Variants in CAMK4 observed in about 807,000 individuals in gnomAD.
CAMK4 encodes calcium/calmodulin-dependent protein kinase type IV.
Under a neutral mutation model 44.9 loss-of-function variants are expected in CAMK4, and 22 were observed. The ratio of observed to expected loss-of-function variants is 0.49; its 90% CI spans 0.35 to 0.70. The LOEUF is 0.70. Ranked by LOEUF, CAMK4 falls within the 30% of genes least tolerant of loss-of-function variation. CAMK4 has a pLI of 0.01. For synonymous variants in CAMK4, 218 were observed against 215.4 expected, an observed-to-expected ratio of 1.01 and a Z score of -0.11; for missense variants, 498 against 586.8, an observed-to-expected ratio of 0.85 and a Z score of 1.56.
intron 1 of CAMK4, among the ~76,000 whole-genome samples, chr5:111,249,628 G>GTATA (rs143178772): frequency 6.1e-5 from 8 of 130,366 alleles, no homozygotes; most frequent in African/African-American, 2.2e-4. Context: ...ATATTTGTGT[G>GTATA]TATATATATA....
chr5:111,256,800 C>T (rs1005753888), intron 1 of CAMK4, among the ~76,000 whole-genome samples: 2 of 152,146 alleles, frequency 1.3e-5, no homozygotes, highest in East Asian at 3.9e-4. Flanking sequence ...CTACCATGGG[C>T]ACACTTGTAA....
intron 5 of CAMK4, among the ~76,000 whole-genome samples, chr5:111,405,341 G>T (rs780426361): frequency 6.6e-6 from 1 of 152,056 alleles, no homozygotes; most frequent in Admixed American, 6.6e-5. Flanking sequence ...GGTGGTGTGC[G>T]CCTATAGTCC....
At chr5:111,252,788 A>G (rs1749564956) in intron 1 of CAMK4, among the ~76,000 whole-genome samples, 1 of 152,252 alleles carries the variant, frequency 6.6e-6, no homozygotes, top group Non-Finnish European at 1.5e-5. Context: ...TTTTCAAAAT[A>G]AGGGCTAGAT....
At chr5:111,370,826 A>AT (rs1580664174) in intron 2 of CAMK4, among the ~76,000 whole-genome samples, 1 of 152,198 alleles carries the variant, frequency 6.6e-6, no homozygotes, top group East Asian at 1.9e-4. Flanking sequence ...GAGGCAGGAG[A>AT]ATCGCTTGAA....
intron 1 of CAMK4, among the ~76,000 whole-genome samples, chr5:111,329,262 G>A (rs1749046059): frequency 6.6e-6 from 1 of 151,894 alleles, no homozygotes; most frequent in African/African-American, 2.4e-5. Flanking sequence ...GAAACCCACA[G>A]CCAATATCAT....
intron 1 of CAMK4, among the ~76,000 whole-genome samples, chr5:111,285,314 C>A (rs575554710): frequency 6.6e-6 from 1 of 152,228 alleles, no homozygotes; most frequent in South Asian, 2.1e-4. Flanking sequence ...ATGAATCCTA[C>A]GAAATTTATG....
At chr5:111,333,696 C>A (rs1440336580) in intron 1 of CAMK4, among the ~76,000 whole-genome samples, 3 of 151,602 alleles carry the variant, frequency 2.0e-5, no homozygotes, top group Admixed American at 6.6e-5. Flanking sequence ...CAACTGGATG[C>A]TGTTAGGCAA....
At chr5:111,409,519 G>A (rs780506740) in intron 5 of CAMK4, among the ~76,000 whole-genome samples, 9 of 152,208 alleles carry the variant, frequency 5.9e-5, no homozygotes, top group Non-Finnish European at 5.9e-5. Context: ...TGCTGTGAAG[G>A]TCTCTGACTT....
intron 5 of CAMK4, among the ~76,000 whole-genome samples, chr5:111,417,236 T>TTG (rs991408853): frequency 1.6e-4 from 24 of 151,420 alleles, no homozygotes; most frequent in African/African-American, 5.8e-4. Context: ...AATTTTTTTT[T>TTG]TTTTTTGAGA....
chr5:111,280,500 A>G (rs979105795), intron 1 of CAMK4, among the ~76,000 whole-genome samples: 2 of 152,208 alleles, frequency 1.3e-5, no homozygotes, highest in African/African-American at 4.8e-5. Flanking sequence ...CTTCTCTATC[A>G]TGCTGCCTTA....
At chr5:111,257,144 G>C (rs552616743) in intron 1 of CAMK4, among the ~76,000 whole-genome samples, 3 of 152,162 alleles carry the variant, frequency 2.0e-5, no homozygotes, top group Non-Finnish European at 4.4e-5. Context: ...AGCAAAGATT[G>C]ACAAATGGGA....
At chr5:111,398,426 C>G (rs989758522) in intron 5 of CAMK4, among the ~76,000 whole-genome samples, 1 of 152,088 alleles carries the variant, frequency 6.6e-6, no homozygotes, top group Non-Finnish European at 1.5e-5. Context: ...GCTGCCACAC[C>G]AAAAGGCATA....
At chr5:111,393,571 C>T (rs1430954439) in intron 4 of CAMK4, among the ~76,000 whole-genome samples, 1 of 152,050 alleles carries the variant, frequency 6.6e-6, no homozygotes, top group Non-Finnish European at 1.5e-5. Flanking sequence ...GAGATCATGT[C>T]CTATGAAGGG....
chr5:111,300,156 A>G (rs183545509), intron 1 of CAMK4, among the ~76,000 whole-genome samples: 13 of 152,366 alleles, frequency 8.5e-5, no homozygotes, highest in Admixed American at 4.6e-4. Context: ...GTTAATTGAA[A>G]TCACAGAAAT....
chr5:111,399,183 C>G (rs1450374260), intron 5 of CAMK4, among the ~76,000 whole-genome samples: 5 of 152,152 alleles, frequency 3.3e-5, no homozygotes, highest in Non-Finnish European at 5.9e-5. Flanking sequence ...TACACTTGAG[C>G]TACACTGGCC....
At chr5:111,418,445 A>AT (rs34910011) in intron 5 of CAMK4, among the ~76,000 whole-genome samples, 113,365 of 150,228 alleles carry the variant, frequency 0.75, 42,987 homozygotes, top group African/African-American at 0.81. Flanking sequence ...GGAGACAGGG[A>AT]TTTTTTTTTT....
chr5:111,296,189 A>T (rs896789866), intron 1 of CAMK4, among the ~76,000 whole-genome samples: 21 of 152,154 alleles, frequency 1.4e-4, no homozygotes, highest in African/African-American at 5.1e-4. Context: ...GTGTATGCTT[A>T]TTGGCTGTGT....
intron 1 of CAMK4, among the ~76,000 whole-genome samples, chr5:111,293,520 G>A (rs1052793606): frequency 4.0e-5 from 6 of 151,190 alleles, no homozygotes; most frequent in East Asian, 1.9e-4. Flanking sequence ...TCCACCTCCC[G>A]GGTTCAAATG....
rs1188305878 is a variant in CAMK4, at chr5:111,418,844, G to A, written c.459+24062G>A. On this transcript the variant is annotated intron_variant, in intron 5 of 10. Transcript: ENST00000282356. ...CATTTTCTTAATCCAGTCTATTGTT[G>A]TTGGACATTTTGGTTGGTTCCAAGT... 3.3e-5 allele frequency among the ~76,000 whole-genome samples: 5 copies of A among 152,212 alleles called. No homozygotes were observed. In the South Asian group the frequency reaches 1.0e-3, roughly 32 times the overall value.
Sources: allele counts gnomAD v4.1 joint callset (sites outside exome capture counted in the v4.1 genomes callset), GRCh38; gene constraint gnomAD v4.1.1; transcripts MANE v1.5; gene names NCBI Gene and HGNC (gene_info 2026-07-23, HGNC 2026-07-21).